The following NECAB2 variants were observed in gnomAD, a reference collection of about 807,000 sequenced individuals.
NECAB2 encodes the protein N-terminal EF-hand calcium binding protein 2, also known as N-terminal EF-hand calcium-binding protein 2.
NECAB2 carries 68 observed loss-of-function variants against 51.9 expected under a neutral mutation model. That is an observed-to-expected ratio of 1.31 (90% CI 1.08 to 1.60). NECAB2 has a LOEUF of 1.60. NECAB2 is among the 40% of genes most tolerant of loss of function. NECAB2 has a pLI of 0.00. For missense variants in NECAB2, 854 were observed against 490.3 expected, an observed-to-expected ratio of 1.74 and a Z score of -7.00; for synonymous variants, 329 against 203.5, an observed-to-expected ratio of 1.62 and a Z score of -5.25.
chr16:83,974,099 C>T (rs994586252), intron 2 of NECAB2, among the ~76,000 whole-genome samples: 2 of 152,018 alleles, frequency 1.3e-5, no homozygotes, highest in African/African-American at 2.4e-5. Context: ...AAAGGCCGAG[C>T]CTGTTCCTTC....
At chr16:83,969,930 G>C (rs2084330576) in intron 1 of NECAB2, among the ~76,000 whole-genome samples, 1 of 152,168 alleles carries the variant, frequency 6.6e-6, no homozygotes, top group African/African-American at 2.4e-5. Flanking sequence ...GCCGGGGTCT[G>C]GGCTGGGAGG....
intron 8 of NECAB2, among the ~76,000 whole-genome samples, chr16:83,996,591 T>G (rs2084702512): frequency 6.9e-6 from 1 of 145,742 alleles, no homozygotes; most frequent in Non-Finnish European, 1.6e-5. Context: ...CATGAGCCTG[T>G]GCGTCAGGTA....
intron 5 of NECAB2, among the ~76,000 whole-genome samples, chr16:83,988,809 C>G (rs940624366): frequency 3.4e-5 from 5 of 148,676 alleles, no homozygotes; most frequent in African/African-American, 1.0e-4. Context: ...TGGAGCTGGT[C>G]TCTTGTCTGA....
chr16:83,999,117 A>G (rs28436744), intron 10 of NECAB2, among the ~76,000 whole-genome samples: 9,425 of 152,168 alleles, frequency 0.062, 923 homozygotes, highest in African/African-American at 0.21. Flanking sequence ...AGGGTCTTTG[A>G]GAGGGGTCTT....
chr16:83,971,535 C>T (rs909299596), intron 1 of NECAB2: 8 of 152,724 alleles, frequency 5.2e-5, no homozygotes, highest in African/African-American at 1.7e-4. Flanking sequence ...AGGTTCAGGC[C>T]AGCCTTGGAG....
chr16:83,981,027 C>T lies in NECAB2; in HGVS notation c.362-3C>T, dbSNP rs747781411. 1.1e-5 allele frequency: 17 copies of T among 1,613,908 alleles called. No homozygotes were observed. Among genetic ancestry groups the T allele is most frequent in the Middle Eastern group, 1.6e-4 (1 of 6,084 alleles). On this transcript the variant is annotated splice_region_variant and splice_polypyrimidine_tract_variant and intron_variant, in intron 4 of 12. Transcript: ENST00000305202. ...CCCCTGACCTTTGCCTTTCCTTCCC[C>T]AGATTACTTTGTGGACCACATGGGT... is the stretch of plus-strand genomic sequence containing the variant.
chr16:84,001,769 C>G, intron 11 of NECAB2, 56 bp from the exon 12 acceptor site: 3 of 1,578,632 alleles, frequency 1.9e-6, no homozygotes, highest in Non-Finnish European at 2.6e-6. Context: ...ACAGGGGAGC[C>G]ACACGCGGAG....
intron 8 of NECAB2, 49 bp from the exon 9 acceptor site, chr16:83,997,167 G>C (rs371665908): frequency 1.9e-6 from 3 of 1,612,646 alleles, no homozygotes; most frequent in South Asian, 1.1e-5. Context: ...GCTCCCCGGG[G>C]CGGAGTGGGG....
chr16:83,983,564 C>T (rs562339405), intron 5 of NECAB2, among the ~76,000 whole-genome samples: 1 of 152,090 alleles, frequency 6.6e-6, no homozygotes, highest in Admixed American at 6.6e-5. Flanking sequence ...TTTCAAATGC[C>T]TTTTGGTATT....
chr16:83,999,181 G>T (rs28653278), intron 10 of NECAB2, among the ~76,000 whole-genome samples: 9,929 of 152,240 alleles, frequency 0.065, 1,033 homozygotes, highest in African/African-American at 0.22. Flanking sequence ...CCTGTAGCAC[G>T]AGGGGAGGAG....
chr16:83,999,127 T>G (rs1010845299), intron 10 of NECAB2, among the ~76,000 whole-genome samples: 1 of 152,128 alleles, frequency 6.6e-6, no homozygotes, highest in East Asian at 1.9e-4. Context: ...AGAGGGGTCT[T>G]CTTGGGCCCC....
chr16:83,997,076 C>T (rs560515105), intron 8 of NECAB2, 140 bp from the exon 9 acceptor site: 7 of 850,888 alleles, frequency 8.2e-6, no homozygotes, highest in East Asian at 5.1e-5. Context: ...CTGCCACTTC[C>T]TAGCGTTGGT....
intron 3 of NECAB2, among the ~76,000 whole-genome samples, chr16:83,979,940 G>C (rs1015746288): frequency 6.6e-6 from 1 of 152,196 alleles, no homozygotes; most frequent in Admixed American, 6.5e-5. Context: ...AATTAAAGCA[G>C]AATGACAGGG....
chr16:83,987,515 C>G (rs376257620), intron 5 of NECAB2, among the ~76,000 whole-genome samples: 49 of 152,278 alleles, frequency 3.2e-4, no homozygotes, highest in African/African-American at 1.2e-3. Context: ...CCCACTATCC[C>G]TAACCACTGG....
chr16:83,968,741 G>T lies in NECAB2; in HGVS notation c.93G>T (p.Leu31=), dbSNP rs1310101121. 23 of 1,060,264 alleles carry T rather than the reference G, an allele frequency of 2.2e-5. No homozygotes were observed. The highest frequency in any genetic ancestry group is 4.3e-4 in the Middle Eastern group (1 of 2,304). 65.7% of individuals were successfully genotyped at this position (1,060,264 alleles called of 1,614,324 possible). A position where few individuals can be genotyped will look rare whatever the true frequency, so the allele number is the denominator to read the frequency against. ...AGGGCCGGGCGCTGGGCGGGCTGCT[G>T]CGCTGGGTGGGCGCCAGGATGGGCG... ...PQQGRALGGL[L]RWVGARMGEP... Residue 31 remains leucine (L), a synonymous_variant, in exon 1 of 13, where the codon CTG becomes CTT. Coordinates refer to ENST00000305202, the MANE Select transcript of NECAB2 (RefSeq NM_019065.3).
In NECAB2 at chr16:83,970,009, G is replaced by C. The variant is rs528136185; in HGVS notation, c.201+1160G>C. Among the ~76,000 whole-genome samples, 222 of 152,228 alleles carry C rather than the reference G, an allele frequency of 1.5e-3. 1 individual carries two copies. Among genetic ancestry groups the C allele is most frequent in the African/African-American group, 5.2e-3 (217 of 41,538 alleles). The stretch of plus-strand genomic sequence containing the variant: ...CACACATTCACACACTCACGCACTC[G>C]CTTACGCACGCACACACAGCCAGAG... On this transcript the variant is annotated intron_variant, in intron 1 of 12. Coordinates refer to ENST00000305202, the MANE Select transcript of NECAB2 (RefSeq NM_019065.3).
Position 84,000,806 on chromosome 16 carries a change from G to GA in NECAB2, c.1040+6dup. On this transcript the variant is annotated splice_donor_region_variant and intron_variant, in intron 11 of 12. Coordinates refer to ENST00000305202, the MANE Select transcript of NECAB2 (RefSeq NM_019065.3). The stretch of plus-strand genomic sequence containing the variant: ...GACAGAGGAGGCGTGGAAGAGGTGA[G>GA]ATGCTGGGTCCCCACAGCAGGTGAG... 6.2e-7 allele frequency: 1 copy of GA among 1,613,372 alleles called. No individual in the cohort carries two copies. The highest frequency in any genetic ancestry group is 8.5e-7 in the Non-Finnish European group (1 of 1,179,832).
upstream of NECAB2, among the ~76,000 whole-genome samples, chr16:83,968,156 G>T (rs192225796): frequency 6.6e-6 from 1 of 151,554 alleles, no homozygotes; most frequent in African/African-American, 2.4e-5. Context: ...GCCCGCGGGC[G>T]TGACGGGGCC....
chr16:84,001,898 T>C lies in NECAB2; in HGVS notation c.1114T>C (p.Ser372Pro). Reference sequence around the variant, plus strand: ...CACACTGAGCCAGCCTGAGGCCCTCTCCAGGATCTTGGTGCCAGGTAGGGG... The same window carrying C: ...CACACTGAGCCAGCCTGAGGCCCTCCCCAGGATCTTGGTGCCAGGTAGGGG... ...VDTLSQPEAL[S>P]RILVPAAWCT... Residue 372 changes from serine to proline, a missense_variant, in exon 12 of 13, where the codon TCC becomes CCC. Physicochemically the swap from Ser to Pro is moderately conservative, Grantham distance 74. Coordinates refer to ENST00000305202, the MANE Select transcript of NECAB2 (RefSeq NM_019065.3). 1.2e-6 allele frequency: 2 copies of C among 1,613,922 alleles called. No homozygotes were observed. The highest frequency in any genetic ancestry group is 2.2e-5 in the East Asian group (1 of 44,874).
Sources: allele counts gnomAD v4.1 joint callset (sites outside exome capture counted in the v4.1 genomes callset), GRCh38; gene constraint gnomAD v4.1.1; transcripts MANE v1.5; gene names NCBI Gene and HGNC (gene_info 2026-07-23, HGNC 2026-07-21).